Variants in DCLK3 observed in about 807,000 individuals in gnomAD.
DCLK3 encodes serine/threonine-protein kinase DCLK3.
Under a neutral mutation model 46.4 loss-of-function variants are expected in DCLK3, and 30 were observed. The observed-to-expected ratio is 0.65, with a 90% CI of 0.48 to 0.88. DCLK3 has a LOEUF of 0.88. Among genes scored for constraint, DCLK3 ranks in the 40% least tolerant of loss-of-function variants. DCLK3 has a pLI of 0.00. For missense variants in DCLK3, 846 were observed against 907.1 expected (o/e 0.93, Z 0.87); for synonymous variants, 401 against 339.2 (o/e 1.18, Z -2.00).
chr3:36,716,965 T>A (rs1452033717), intron 4 of DCLK3, among the ~76,000 whole-genome samples: 2 of 152,166 alleles, frequency 1.3e-5, no homozygotes, highest in Non-Finnish European at 2.9e-5. Flanking sequence ...CTCCCTACCT[T>A]ATTTAAAGGG....
In DCLK3 at chr3:36,715,394, C is replaced by T. The variant is rs1278027396; in HGVS notation, c.2388G>A (p.Gln796=). 2 of 1,614,126 alleles carry T rather than the reference C, an allele frequency of 1.2e-6. No homozygotes were observed. The highest frequency in any genetic ancestry group is 1.7e-5 in the Admixed American group (1 of 60,026). ...GKTNTVKRQK[Q]VSPSSEGHFR... ...AGTGACCCTCGCTGCTGGGGGACACCTGCTTCTGTCGTTTCACTGTATTGG... is the reference window on the plus strand; with the variant it reads ...AGTGACCCTCGCTGCTGGGGGACACTTGCTTCTGTCGTTTCACTGTATTGG... The change falls in exon 5 of 5, where the codon CAG becomes CAA. Residue 796 remains glutamine (Q), a synonymous_variant. Coordinates refer to ENST00000636136, the MANE Select transcript of DCLK3 (RefSeq NM_001394672.2).
At chr3:36,740,237 A>G (rs1231773502) in intron 1 of DCLK3, among the ~76,000 whole-genome samples, 1 of 151,770 alleles carries the variant, frequency 6.6e-6, no homozygotes, top group Non-Finnish European at 1.5e-5. Context: ...TGCCTGACAC[A>G]TAGTAAGGAC....
At chr3:36,716,478 A>C (rs1700981648) in intron 4 of DCLK3, among the ~76,000 whole-genome samples, 1 of 151,604 alleles carries the variant, frequency 6.6e-6, no homozygotes, top group Non-Finnish European at 1.5e-5. Context: ...CTGCCACATC[A>C]CTCCCTCAGG....
chr3:36,751,783 A>T (rs555199311), intron 1 of DCLK3, among the ~76,000 whole-genome samples: 1 of 152,336 alleles, frequency 6.6e-6, no homozygotes, highest in East Asian at 1.9e-4. Flanking sequence ...TTCTAAACAC[A>T]GAGCCCTAGT....
At chr3:36,759,933 C>T (rs1340817365) in intron 1 of DCLK3, among the ~76,000 whole-genome samples, 1 of 152,190 alleles carries the variant, frequency 6.6e-6, no homozygotes, top group Non-Finnish European at 1.5e-5. Context: ...CCTCCTCACC[C>T]ACTCCCCGCA....
intron 2 of DCLK3, among the ~76,000 whole-genome samples, chr3:36,726,364 T>C (rs1701125486): frequency 6.6e-6 from 1 of 151,590 alleles, no homozygotes; most frequent in East Asian, 1.9e-4. Flanking sequence ...TAGAATAAAT[T>C]TGGGCAATCT....
chr3:36,731,442 T>C (rs1424056593), intron 2 of DCLK3, among the ~76,000 whole-genome samples: 1 of 105,226 alleles, frequency 9.5e-6, no homozygotes, highest in Non-Finnish European at 2.0e-5. Flanking sequence ...TATGATCTCC[T>C]TCGTGCGTGC....
At chr3:36,761,062 A>T (rs1701535469) in intron 1 of DCLK3, among the ~76,000 whole-genome samples, 1 of 152,146 alleles carries the variant, frequency 6.6e-6, no homozygotes, top group African/African-American at 2.4e-5. Flanking sequence ...TTCTGTCAAC[A>T]TTTAGCCTTC....
intron 2 of DCLK3, among the ~76,000 whole-genome samples, chr3:36,723,656 G>A (rs773765960): frequency 6.6e-5 from 10 of 152,196 alleles, no homozygotes; most frequent in Non-Finnish European, 1.2e-4. Context: ...TGGCTTCAGA[G>A]GAAGCAAGCC....
At chr3:36,734,569 A>C (rs369773013) in intron 2 of DCLK3, among the ~76,000 whole-genome samples, 1 of 152,176 alleles carries the variant, frequency 6.6e-6, no homozygotes, top group Non-Finnish European at 1.5e-5. Context: ...ACACATATAC[A>C]CATATATATA....
At chr3:36,725,125 T>C (rs1437973187) in intron 2 of DCLK3, among the ~76,000 whole-genome samples, 1 of 151,574 alleles carries the variant, frequency 6.6e-6, no homozygotes, top group African/African-American at 2.4e-5. Context: ...CCATCCTGGC[T>C]AACACGGTGA....
intron 4 of DCLK3, among the ~76,000 whole-genome samples, chr3:36,717,648 G>C (rs1701000806): frequency 6.6e-6 from 1 of 152,194 alleles, no homozygotes; most frequent in Admixed American, 6.5e-5. Context: ...GATTATGCAT[G>C]TGTAAAATAA....
chr3:36,759,671 C>T (rs1387482068), intron 1 of DCLK3, among the ~76,000 whole-genome samples: 1 of 152,192 alleles, frequency 6.6e-6, no homozygotes, highest in Non-Finnish European at 1.5e-5. Flanking sequence ...GACCTGAACA[C>T]ACCAAGCTGT....
intron 1 of DCLK3, among the ~76,000 whole-genome samples, chr3:36,752,222 C>A (rs1431150962): frequency 6.6e-6 from 1 of 152,190 alleles, no homozygotes. Context: ...GGAGGGGTAC[C>A]AAAGACCCAG....
At chr3:36,730,616 GC>G (rs1191976288) in intron 2 of DCLK3, among the ~76,000 whole-genome samples, 1 of 152,126 alleles carries the variant, frequency 6.6e-6, no homozygotes, top group East Asian at 1.9e-4. Flanking sequence ...AGTACACATG[GC>G]TATTGGTTTT....
At chr3:36,732,178 T>C (rs191158981) in intron 2 of DCLK3, among the ~76,000 whole-genome samples, 40 of 152,332 alleles carry the variant, frequency 2.6e-4, no homozygotes, top group African/African-American at 7.9e-4. Context: ...ATAGGAACCA[T>C]GCTTTAAAAT....
rs549831663 is a variant in DCLK3, at chr3:36,739,372, G to A, written c.83-288C>T. Among the ~76,000 whole-genome samples, 3 of 152,316 alleles carry A rather than the reference G, an allele frequency of 2.0e-5. No homozygotes were observed. The East Asian group carries it at 5.8e-4, about 29-fold the overall frequency. On this transcript the variant is annotated intron_variant, in intron 1 of 4. Transcript: ENST00000636136. ...TCAGGAGCTGATACAGTTTGGCTCT[G>A]TGTCCCCACCCAAATCTCATCTTGA...
At chr3:36,755,786 A>C (rs1424570317) in intron 1 of DCLK3, among the ~76,000 whole-genome samples, 1 of 152,190 alleles carries the variant, frequency 6.6e-6, no homozygotes, top group Non-Finnish European at 1.5e-5. Context: ...CCAACTGATA[A>C]ATATCAAAAA....
In DCLK3 at chr3:36,738,705, G is replaced by A. The variant is rs768283164; in HGVS notation, c.462C>T (p.Ile154=). 12 of 1,322,732 alleles carry A rather than the reference G, an allele frequency of 9.1e-6. No homozygotes were observed. Among genetic ancestry groups the A allele is most frequent in the African/African-American group, 3.0e-5 (2 of 66,446 alleles). The allele number at this position is 1,322,732 out of a possible 1,614,324, so 81.9% of individuals were successfully genotyped here. A position where few individuals can be genotyped will look rare whatever the true frequency, so the allele number is the denominator to read the frequency against. The change falls in exon 2 of 5, where the codon ATC becomes ATT. Residue 154 remains isoleucine (I), a synonymous_variant. Coordinates refer to ENST00000636136, the MANE Select transcript of DCLK3 (RefSeq NM_001394672.2). ...CCCTGAAGAAATCAGAGACGCTCCT[G>A]ATTTCCCTGCCCTTGAGGTTAAACA... The part of the protein sequence containing the change: ...RKLFNLKGRE[I]RSVSDFFREG...
Sources: gnomAD v4.1 joint callset for allele counts (sites outside exome capture counted in the v4.1 genomes callset) on GRCh38, gnomAD v4.1.1 for gene constraint, MANE v1.5 for transcripts, NCBI Gene and HGNC (gene_info 2026-07-23, HGNC 2026-07-21) for gene names.